Variants in OR51B5 observed in about 807,000 individuals in gnomAD.
OR51B5 encodes the protein olfactory receptor 51B5.
For synonymous variants in OR51B5, 186 were observed against 144.8 expected (o/e 1.28, Z -2.04); for missense variants, 456 against 374.6 (o/e 1.22, Z -1.79).
intron 1 of OR51B5, among the ~76,000 whole-genome samples, chr11:5,367,672 G>C (rs34120424): frequency 0.27 from 41,360 of 151,940 alleles, 5,907 homozygotes; most frequent in African/African-American, 0.33. Flanking sequence ...TCCTGTGACT[G>C]AGAATGCCTA....
rs553717766 is a variant in OR51B5, at chr11:5,389,639, A to G, written n.85-42729T>C. On this transcript the variant is annotated intron_variant and non_coding_transcript_variant, in intron 1 of 4. Transcript: ENST00000415970. ...CTATCTACTATCCTTGCTGGCCCTC[A>G]CTGACCTGGGGCTGTGTGTGTCCAC... 22 of 1,613,566 alleles carry G rather than the reference A, an allele frequency of 1.4e-5. No individual in the cohort carries two copies. The Admixed American group carries it at 3.3e-4, about 24-fold the overall frequency.
intron 1 of OR51B5, chr11:5,402,929 C>A: frequency 2.1e-6 from 1 of 471,358 alleles, no homozygotes; most frequent in South Asian, 1.5e-5. Context: ...CATTCTTTAT[C>A]CATGATGGAG....
At chr11:5,373,686 A>G (rs4910779) in intron 1 of OR51B5, among the ~76,000 whole-genome samples, 2 of 152,052 alleles carry the variant, frequency 1.3e-5, no homozygotes, top group Admixed American at 1.3e-4. Flanking sequence ...TATCCTGCAC[A>G]TGGCTCCGAG....
intron 1 of OR51B5, among the ~76,000 whole-genome samples, chr11:5,386,343 T>A (rs898883035): frequency 6.6e-6 from 1 of 152,168 alleles, no homozygotes; most frequent in African/African-American, 2.4e-5. Flanking sequence ...GGGCCATGCA[T>A]AGAGAGACAA....
intron 1 of OR51B5, among the ~76,000 whole-genome samples, chr11:5,406,043 T>C (rs1850054018): frequency 6.6e-6 from 1 of 152,206 alleles, no homozygotes; most frequent in Non-Finnish European, 1.5e-5. Context: ...TGTAAAAAGA[T>C]GTCCCACAAC....
At chr11:5,457,764 T>A (rs1850981561) in intron 1 of OR51B5, among the ~76,000 whole-genome samples, 1 of 152,350 alleles carries the variant, frequency 6.6e-6, no homozygotes, top group South Asian at 2.1e-4. Context: ...CACGTATATG[T>A]CTTCTTTTGA....
intron 1 of OR51B5, among the ~76,000 whole-genome samples, chr11:5,457,098 C>A (rs752999172): frequency 1.3e-5 from 2 of 152,168 alleles, no homozygotes; most frequent in Non-Finnish European, 2.9e-5. Context: ...CAGCATAGTA[C>A]CCCAAAGGTA....
intron 1 of OR51B5, among the ~76,000 whole-genome samples, chr11:5,360,983 C>A (rs1310322550): frequency 6.8e-6 from 1 of 147,774 alleles, no homozygotes; most frequent in Non-Finnish European, 1.5e-5. Context: ...CACACCAGGG[C>A]CTGCAGTGGG....
At chr11:5,475,148 C>A (rs1020087564) in intron 1 of OR51B5, among the ~76,000 whole-genome samples, 1 of 152,276 alleles carries the variant, frequency 6.6e-6, no homozygotes, top group East Asian at 1.9e-4. Context: ...ATTTCAATAA[C>A]ATCTTAATGG....
chr11:5,463,501 A>T (rs1035656285), intron 1 of OR51B5, among the ~76,000 whole-genome samples: 3 of 152,232 alleles, frequency 2.0e-5, no homozygotes, highest in Non-Finnish European at 4.4e-5. Flanking sequence ...AGTGTTTCTC[A>T]ACCTTCATTC....
At chr11:5,390,595 T>C (rs1355465877) in intron 1 of OR51B5, 1 of 511,190 alleles carries the variant, frequency 2.0e-6, no homozygotes, top group East Asian at 3.0e-5. Flanking sequence ...ACTGGCATTT[T>C]TGGTAGCATC....
intron 1 of OR51B5, chr11:5,488,754 C>T: frequency 6.2e-7 from 1 of 1,613,974 alleles, no homozygotes; most frequent in Non-Finnish European, 8.5e-7. Flanking sequence ...ACACCTTCTT[C>T]TTAACAGGGA....
intron 1 of OR51B5, among the ~76,000 whole-genome samples, chr11:5,491,413 C>T (rs1851579620): frequency 6.6e-6 from 1 of 152,160 alleles, no homozygotes; most frequent in Non-Finnish European, 1.5e-5. Context: ...GCACAAGGAG[C>T]TGTCACAGGT....
chr11:5,352,816 T>A (rs1849121272), intron 1 of OR51B5, among the ~76,000 whole-genome samples: 1 of 142,482 alleles, frequency 7.0e-6, no homozygotes, highest in Non-Finnish European at 1.5e-5. Context: ...ATATTTAATA[T>A]ATATAATACA....
chr11:5,382,969 A>AGT (rs936173714), intron 1 of OR51B5, among the ~76,000 whole-genome samples: 9 of 151,878 alleles, frequency 5.9e-5, no homozygotes, highest in Non-Finnish European at 8.8e-5. Flanking sequence ...AGTCTCCAAG[A>AGT]GTGTGTGTGT....
At chr11:5,493,954 T>C (rs1851613705) in intron 1 of OR51B5, among the ~76,000 whole-genome samples, 1 of 152,214 alleles carries the variant, frequency 6.6e-6, no homozygotes, top group African/African-American at 2.4e-5. Flanking sequence ...TTAACCAGTA[T>C]ATCTAGGATA....
chr11:5,422,259 C>G, intron 1 of OR51B5: 1 of 1,614,118 alleles, frequency 6.2e-7, no homozygotes, highest in Non-Finnish European at 8.5e-7. Flanking sequence ...ACGGACATCC[C>G]TGGATTTGAG....
chr11:5,421,106 T>G (rs1227566942), intron 1 of OR51B5, among the ~76,000 whole-genome samples: 2 of 152,234 alleles, frequency 1.3e-5, no homozygotes, highest in Non-Finnish European at 2.9e-5. Context: ...CAATATGGCT[T>G]TCTAACTTAT....
chr11:5,352,103 TAGTTTTATTTGC>T, intron 1 of OR51B5: 1 of 1,614,164 alleles, frequency 6.2e-7, no homozygotes, highest in Non-Finnish European at 8.5e-7. Context: ...TATCCAGTTG[TAGTTTTATTTGC>T]AATGGTCTTG....
Sources: gnomAD v4.1 joint callset for allele counts (sites outside exome capture counted in the v4.1 genomes callset) on GRCh38, gnomAD v4.1.1 for gene constraint, MANE v1.5 for transcripts, NCBI Gene and HGNC (gene_info 2026-07-23, HGNC 2026-07-21) for gene names.